KCNN3: variants seen among roughly 807,000 people sequenced by gnomAD.
KCNN3 encodes potassium calcium-activated channel subfamily N member 3, also known as small conductance calcium-activated potassium channel protein 3.
In KCNN3, 16 loss-of-function variants were observed where a neutral mutation model predicts 62.9. That is an observed-to-expected ratio of 0.25 (90% CI 0.17 to 0.39). The LOEUF is 0.39. Among genes scored for constraint, KCNN3 ranks in the 10% least tolerant of loss-of-function variants. KCNN3 has a pLI of 1.00. For synonymous variants in KCNN3, 370 were observed against 389.2 expected (o/e 0.95, Z 0.58); for missense variants, 599 against 949.4 (o/e 0.63, Z 4.85).
At chr1:154,794,789 A>G (rs1274373632) in intron 2 of KCNN3, among the ~76,000 whole-genome samples, 1 of 152,206 alleles carries the variant, frequency 6.6e-6, no homozygotes, top group Non-Finnish European at 1.5e-5. Flanking sequence ...CTTTGAGCCC[A>G]TCTAGAAAGA....
At chr1:154,797,375 C>G (rs536772788) in intron 2 of KCNN3, among the ~76,000 whole-genome samples, 1 of 152,338 alleles carries the variant, frequency 6.6e-6, no homozygotes, top group East Asian at 1.9e-4. Context: ...ATTAACCTCT[C>G]TGAGCCTCAC....
chr1:154,746,647 C>T (rs1036970074), intron 3 of KCNN3, among the ~76,000 whole-genome samples: 3 of 152,096 alleles, frequency 2.0e-5, no homozygotes, highest in African/African-American at 4.8e-5. Context: ...CATCTCTCCT[C>T]TCTTGTTTTC....
chr1:154,800,531 C>G (rs1223728232), intron 2 of KCNN3, among the ~76,000 whole-genome samples: 1 of 152,106 alleles, frequency 6.6e-6, no homozygotes, highest in African/African-American at 2.4e-5. Context: ...GTACAGAGCT[C>G]CGAGCTGGCC....
chr1:154,747,315 A>G (rs1448234200), intron 3 of KCNN3, among the ~76,000 whole-genome samples: 1 of 152,080 alleles, frequency 6.6e-6, no homozygotes, highest in Non-Finnish European at 1.5e-5. Flanking sequence ...TCCACACTGC[A>G]GCCAGGGAAA....
chr1:154,842,251 G>C (rs1422869401), intron 1 of KCNN3, among the ~76,000 whole-genome samples: 1 of 152,180 alleles, frequency 6.6e-6, no homozygotes, highest in Non-Finnish European at 1.5e-5. Context: ...CCCTTCTTGG[G>C]TGTGAGCAGG....
chr1:154,715,561 CTTTCTTTCTTTCTT>C lies in KCNN3; in HGVS notation c.1702-572_1702-559del, dbSNP rs974128730. On this transcript the variant is annotated intron_variant, in intron 5 of 7. Transcript: ENST00000271915. ...TTTCTTTCTTTCTCTTTCTTTCTTC[CTTTCTTTCTTTCTT>C]TTTCTTTCTTTCTCTCTTTCTTTCT... Among the ~76,000 whole-genome samples the C allele has an allele frequency of 4.6e-5, 7 of 151,172 alleles. No homozygotes were observed. In the East Asian group the frequency reaches 5.8e-4, roughly 13 times the overall value.
chr1:154,742,005 G>T (rs1258418497), intron 3 of KCNN3, among the ~76,000 whole-genome samples: 1 of 152,268 alleles, frequency 6.6e-6, no homozygotes, highest in Non-Finnish European at 1.5e-5. Flanking sequence ...CCCCACCGGT[G>T]CCTCTCTCCT....
intron 2 of KCNN3, among the ~76,000 whole-genome samples, chr1:154,810,091 A>C (rs1441019865): frequency 6.6e-6 from 1 of 152,154 alleles, no homozygotes; most frequent in East Asian, 1.9e-4. Flanking sequence ...GGGGGCATTT[A>C]ATCTAGGGAA....
chr1:154,835,960 C>T (rs183960339), intron 1 of KCNN3, among the ~76,000 whole-genome samples: 64 of 152,314 alleles, frequency 4.2e-4, no homozygotes, highest in Middle Eastern at 3.4e-3. Flanking sequence ...ATGAGTGTGA[C>T]CCTCTGGCAT....
At chr1:154,811,001 G>C (rs1650383119) in intron 2 of KCNN3, among the ~76,000 whole-genome samples, 1 of 152,200 alleles carries the variant, frequency 6.6e-6, no homozygotes, top group Admixed American at 6.5e-5. Context: ...TCTATAAAGG[G>C]GGTATGAATA....
At chr1:154,720,892 C>T (rs967115553) in intron 5 of KCNN3, among the ~76,000 whole-genome samples, 10 of 152,060 alleles carry the variant, frequency 6.6e-5, no homozygotes, top group Non-Finnish European at 7.4e-5. Flanking sequence ...TGAACAGCCA[C>T]GGCAAGGTGA....
chr1:154,744,940 A>T (rs2101806432), intron 3 of KCNN3, among the ~76,000 whole-genome samples: 1 of 151,550 alleles, frequency 6.6e-6, no homozygotes, highest in East Asian at 1.9e-4. Flanking sequence ...AAAAAAAAAA[A>T]ATAGTTCGTT....
intron 3 of KCNN3, among the ~76,000 whole-genome samples, chr1:154,751,376 G>T (rs1349187674): frequency 6.6e-6 from 1 of 152,324 alleles, no homozygotes; most frequent in East Asian, 1.9e-4. Context: ...GCAAAAGCCA[G>T]GTGTCTTTCC....
chr1:154,861,703 C>G (rs1256393159), intron 1 of KCNN3, among the ~76,000 whole-genome samples: 1 of 152,194 alleles, frequency 6.6e-6, no homozygotes, highest in Admixed American at 6.5e-5. Context: ...CACCATAAAC[C>G]ACCGTCCGCC....
rs1181811271 is a variant in KCNN3 at position 154,703,069 on chromosome 1, T to C, written c.*4907A>G. 1 of 151,812 alleles carries C rather than the reference T, an allele frequency of 6.6e-6. No homozygotes were observed. The highest frequency in any genetic ancestry group is 1.5e-5 in the Non-Finnish European group (1 of 67,924). 9.4% of individuals were successfully genotyped at this position (151,812 alleles called of 1,614,324 possible). On this transcript the variant is annotated 3_prime_UTR_variant, in exon 8 of 8. Coordinates refer to ENST00000271915, the MANE Select transcript of KCNN3 (RefSeq NM_002249.6). ...GTAAGACAAAAAGATCACAGTTATA[T>C]TTTTTTCTATCTGTATATATGTATA...
At chr1:154,853,721 A>C (rs996741230) in intron 1 of KCNN3, among the ~76,000 whole-genome samples, 1 of 152,222 alleles carries the variant, frequency 6.6e-6, no homozygotes, top group Admixed American at 6.5e-5. Flanking sequence ...AGGCAGGCAG[A>C]TCACTTGAGG....
rs756917944 is a variant in KCNN3, at chr1:154,869,840, GGCTGCTGCTGCTGTTGCTGCTGCTGCT to G, written c.98_124del (p.Gln33_Gln41del). ...GGCTGCTGGTGGCGCTGGCGGTGGTGGCTGCTGCTGCTGTTGCTGCTGCTGCTGCTGCTGCTGCTCATCCCCAGAGGA... is the reference window on the plus strand; with the variant it reads ...GGCTGCTGGTGGCGCTGGCGGTGGTGGCTGCTGCTGCTCATCCCCAGAGGA... On this transcript the variant is annotated inframe_deletion, in exon 1 of 8. Transcript: ENST00000271915. This position sits in a 1 kb window ranked among gnomAD's most constrained non-coding sequence, Gnocchi z 6.1. 6 of 1,571,750 alleles carry G rather than the reference GGCTGCTGCTGCTGTTGCTGCTGCTGCT, an allele frequency of 3.8e-6. No individual in the cohort carries two copies. Among genetic ancestry groups the G allele is most frequent in the Non-Finnish European group, 4.3e-6 (5 of 1,157,606 alleles).
Position 154,698,927 on chromosome 1 carries a change from G to A in KCNN3, c.*9049C>T, listed in dbSNP as rs754428989. 3 of 152,168 alleles carry A rather than the reference G, an allele frequency of 2.0e-5. No individual in the cohort carries two copies. The highest frequency in any genetic ancestry group is 4.8e-5 in the African/African-American group (2 of 41,434). 9.4% of individuals were successfully genotyped at this position (152,168 alleles called of 1,614,324 possible). A position where few individuals can be genotyped will look rare whatever the true frequency, so the allele number is the denominator to read the frequency against. ...AAACCACACAGAGCATGTGAAGACC[G>A]GGCCCTTCTGATGCTGATGTGTGGA... On this transcript the variant is annotated 3_prime_UTR_variant, in exon 8 of 8. Coordinates refer to ENST00000271915, the MANE Select transcript of KCNN3 (RefSeq NM_002249.6).
intron 3 of KCNN3, among the ~76,000 whole-genome samples, chr1:154,744,206 C>T (rs984991837): frequency 2.3e-5 from 3 of 131,790 alleles, no homozygotes; most frequent in East Asian, 4.7e-4. Flanking sequence ...ATCCCTAGTA[C>T]TCAATAAATA....
Sources: allele counts gnomAD v4.1 joint callset (sites outside exome capture counted in the v4.1 genomes callset), GRCh38; gene constraint gnomAD v4.1.1; non-coding constraint Gnocchi (gnomAD v3.1); transcripts MANE v1.5; gene names NCBI Gene and HGNC (gene_info 2026-07-23, HGNC 2026-07-21).